ARID1B: variants seen among roughly 807,000 people sequenced by gnomAD.
ARID1B encodes AT-rich interactive domain-containing protein 1B.
Under a neutral mutation model 212.3 loss-of-function variants are expected in ARID1B, and 30 were observed. That is an observed-to-expected ratio of 0.14 (90% CI 0.11 to 0.19). The LOEUF (loss-of-function observed/expected upper bound fraction) is 0.19, where lower values mean the gene tolerates loss of function less well. ARID1B is among the 10% of genes least tolerant of loss of function. The pLI is 1.00. For missense variants in ARID1B, 2,891 were observed against 3,204.0 expected (o/e 0.90, Z 2.36); for synonymous variants, 1,402 against 1,301.7 (o/e 1.08, Z -1.66).
intron 3 of ARID1B, among the ~76,000 whole-genome samples, chr6:156,932,215 A>T (rs979126883): frequency 6.6e-6 from 1 of 151,904 alleles, no homozygotes; most frequent in Non-Finnish European, 1.5e-5. Flanking sequence ...CTACTACGCT[A>T]AACTTTTTTC....
chr6:157,132,961 C>T, intron 6 of ARID1B, 67 bp from the exon 7 acceptor site: 1 of 1,505,574 alleles, frequency 6.6e-7, no homozygotes, highest in Non-Finnish European at 8.9e-7. Flanking sequence ...CAGTCCATGT[C>T]CATTTTTATG....
chr6:156,939,889 T>C lies in ARID1B; in HGVS notation c.2247+4313T>C, dbSNP rs577788638. 14 of 152,346 alleles carry C rather than the reference T, an allele frequency of 9.2e-5. No individual in the cohort carries two copies. The South Asian group carries it at 2.9e-3, about 32-fold the overall frequency. The allele number at this position is 152,346 out of a possible 1,614,324, so 9.4% of individuals were successfully genotyped here. A position where few individuals can be genotyped will look rare whatever the true frequency, so the allele number is the denominator to read the frequency against. On this transcript the variant is annotated intron_variant, in intron 4 of 19. Coordinates refer to ENST00000636930, the MANE Select transcript of ARID1B (RefSeq NM_001374828.1). ...ATGGTAATCATAAGTTCAGTAATTA[T>C]ATTACAGATGGGTAGTTAATAAAAT...
chr6:157,120,818 C>T (rs944936524), intron 6 of ARID1B, among the ~76,000 whole-genome samples: 7 of 152,268 alleles, frequency 4.6e-5, no homozygotes, highest in African/African-American at 1.2e-4. Context: ...TTGCCTTGGA[C>T]GTCTTGTTGG....
At chr6:157,163,147 C>T (rs751137682) in intron 8 of ARID1B, among the ~76,000 whole-genome samples, 2 of 152,144 alleles carry the variant, frequency 1.3e-5, no homozygotes, top group South Asian at 4.1e-4. Context: ...CATTTGGAGC[C>T]GTCCAAATGT....
At chr6:156,831,638 A>G (rs538700250) in intron 2 of ARID1B, among the ~76,000 whole-genome samples, 125 of 152,376 alleles carry the variant, frequency 8.2e-4, no homozygotes, top group Middle Eastern at 3.4e-3. Context: ...ACAGATATAT[A>G]GAGTAATCTC....
At chr6:156,857,894 T>C (rs1785061302) in intron 2 of ARID1B, among the ~76,000 whole-genome samples, 1 of 152,222 alleles carries the variant, frequency 6.6e-6, no homozygotes, top group Non-Finnish European at 1.5e-5. Context: ...TATTGAATAC[T>C]CTAGGCAACT....
At chr6:156,799,231 T>C (rs1302718807) in intron 1 of ARID1B, among the ~76,000 whole-genome samples, 2 of 152,312 alleles carry the variant, frequency 1.3e-5, no homozygotes, top group Middle Eastern at 3.4e-3. Flanking sequence ...AGCACTGTGC[T>C]AAGAACTCTA....
chr6:156,840,843 G>A (rs1021659371), intron 2 of ARID1B, among the ~76,000 whole-genome samples: 1 of 152,142 alleles, frequency 6.6e-6, no homozygotes, highest in African/African-American at 2.4e-5. Flanking sequence ...GAGTAAATTG[G>A]AGATGGCTGC....
chr6:157,199,603 TTATA>T (rs1793963486), intron 17 of ARID1B, among the ~76,000 whole-genome samples: 1 of 149,488 alleles, frequency 6.7e-6, no homozygotes, highest in Non-Finnish European at 1.5e-5. Context: ...ATTATAATAA[TTATA>T]TATAATAATA....
Position 157,064,703 on chromosome 6 carries a change from C to T in ARID1B, c.2248-19959C>T, listed in dbSNP as rs187237454. 1.8e-3 allele frequency among the ~76,000 whole-genome samples: 273 copies of T among 152,310 alleles called. 1 individual carries two copies. The highest frequency in any genetic ancestry group is 3.0e-3 in the Non-Finnish European group (206 of 68,020). ...TGTCCCCACATCCTCTCCTGACCAG[C>T]TGAGTGGATTACACTTTAGAGCTTC... On this transcript the variant is annotated intron_variant, in intron 4 of 19. Coordinates refer to ENST00000636930, the MANE Select transcript of ARID1B (RefSeq NM_001374828.1).
At chr6:156,844,654 G>A (rs1159939845) in intron 2 of ARID1B, among the ~76,000 whole-genome samples, 6 of 152,168 alleles carry the variant, frequency 3.9e-5, no homozygotes, top group Non-Finnish European at 5.9e-5. Context: ...AAGGATGATA[G>A]GGAAATAAGT....
Position 157,189,629 on chromosome 6 carries a change from C to T in ARID1B, c.3920-13C>T, listed in dbSNP as rs2128338637. 6.3e-7 allele frequency: 1 copy of T among 1,594,326 alleles called. No individual in the cohort carries two copies. Among genetic ancestry groups the T allele is most frequent in the African/African-American group, 1.4e-5 (1 of 73,838 alleles). On this transcript the variant is annotated splice_polypyrimidine_tract_variant and intron_variant, in intron 13 of 19. Coordinates refer to ENST00000636930, the MANE Select transcript of ARID1B (RefSeq NM_001374828.1). The stretch of plus-strand genomic sequence containing the variant: ...GGATTTCTTCCTGTTTCTCTTGGTG[C>T]TGCTACTATCAGCTAACTCGGGATC...
intron 4 of ARID1B, among the ~76,000 whole-genome samples, chr6:157,002,770 T>C (rs1350338109): frequency 6.6e-6 from 1 of 152,250 alleles, no homozygotes; most frequent in East Asian, 1.9e-4. Context: ...GAAACAGACC[T>C]GCCCTCATGT....
At chr6:156,962,285 C>T (rs563221327) in intron 4 of ARID1B, among the ~76,000 whole-genome samples, 3 of 152,046 alleles carry the variant, frequency 2.0e-5, no homozygotes, top group Admixed American at 6.5e-5. Flanking sequence ...GGCGACAGGG[C>T]GAGGCTCTGT....
chr6:157,027,681 A>G (rs1780746868), intron 4 of ARID1B, among the ~76,000 whole-genome samples: 1 of 152,204 alleles, frequency 6.6e-6, no homozygotes, highest in Admixed American at 6.5e-5. Context: ...TTCTCACCTA[A>G]TCAATAAAGT....
intron 2 of ARID1B, among the ~76,000 whole-genome samples, chr6:156,889,664 C>G (rs1787773678): frequency 6.6e-6 from 1 of 152,150 alleles, no homozygotes; most frequent in South Asian, 2.1e-4. Context: ...TTGTGTACAG[C>G]CGTGTTTGCT....
At chr6:156,931,405 C>T (rs886692479) in intron 3 of ARID1B, among the ~76,000 whole-genome samples, 6 of 152,154 alleles carry the variant, frequency 3.9e-5, no homozygotes, top group Non-Finnish European at 7.3e-5. Context: ...GTTATCTTTA[C>T]CCTTTCCTGT....
intron 8 of ARID1B, among the ~76,000 whole-genome samples, chr6:157,154,419 T>C (rs1790410473): frequency 1.3e-5 from 2 of 151,978 alleles, no homozygotes; most frequent in African/African-American, 4.8e-5. Flanking sequence ...TGAGCAGATC[T>C]CAGAACTGGG....
At chr6:156,928,800 T>G (rs1207384564) in intron 3 of ARID1B, among the ~76,000 whole-genome samples, 4 of 152,320 alleles carry the variant, frequency 2.6e-5, no homozygotes, top group African/African-American at 7.2e-5. Flanking sequence ...GGAAGAGAAT[T>G]TTTCATTTTC....
Sources: gnomAD v4.1 joint callset for allele counts (sites outside exome capture counted in the v4.1 genomes callset) on GRCh38, gnomAD v4.1.1 for gene constraint, MANE v1.5 for transcripts, NCBI Gene and HGNC (gene_info 2026-07-23, HGNC 2026-07-21) for gene names.